Variants in KMT2C observed in about 807,000 individuals in gnomAD.
The protein encoded by KMT2C is lysine methyltransferase 2C.
KMT2C carries 88 observed loss-of-function variants against 507.9 expected under a neutral mutation model. That is an observed-to-expected ratio of 0.17 (90% CI 0.15 to 0.21). The LOEUF is 0.21. Ranked by LOEUF, KMT2C falls within the 10% of genes least tolerant of loss-of-function variation. The probability of loss-of-function intolerance (pLI) is 1.00; values close to 1 mark genes in which losing one functional copy is unlikely to be tolerated. For synonymous variants in KMT2C, 2,049 were observed against 2,080.8 expected (o/e 0.98, Z 0.42); for missense variants, 4,954 against 5,957.8 (o/e 0.83, Z 5.55).
chr7:152,181,047 T>C lies in KMT2C; in HGVS notation c.6813A>G (p.Thr2271=), dbSNP rs139996878. ...CAGGGGGCCTAGGTGTCTGGGAACA[T>C]GTATCAGGTGGCCTTACCAACGGGC... is the stretch of plus-strand genomic sequence containing the variant. ...LPGPLVRPPD[T]CSQTPRPPGP... is the part of the protein sequence containing the mutation. The change falls in exon 36 of 59, where the codon ACA becomes ACG. Residue 2271 remains threonine (T), a synonymous_variant. Transcript: ENST00000262189. 1.2e-5 allele frequency: 19 copies of C among 1,614,120 alleles called. No individual in the cohort carries two copies. Among genetic ancestry groups the C allele is most frequent in the Non-Finnish European group, 1.5e-5 (18 of 1,180,028 alleles).
chr7:152,205,248 A>T, intron 24 of KMT2C, 23 bp from the exon 25 acceptor site: 2 of 1,605,910 alleles, frequency 1.2e-6, no homozygotes, highest in Non-Finnish European at 1.7e-6. Context: ...GAAATTAGGT[A>T]AACTGATAAG....
rs372070871 is a variant in KMT2C at position 152,179,892 on chromosome 7, G to C, written c.7384C>G (p.Gln2462Glu). 64 of 1,614,096 alleles carry C rather than the reference G, an allele frequency of 4.0e-5. No homozygotes were observed. The highest frequency in any genetic ancestry group is 1.6e-4 in the Middle Eastern group (1 of 6,062). ...ACATCAGGAGGATAGGGTCCACGCT[G>C]ATCTTTTGGGAAAACAGCATATCTA... is the stretch of plus-strand genomic sequence containing the variant. ...GPRYAVFPKD[Q>E]RGPYPPDVAS... The change falls in exon 37 of 59, where the codon CAG (glutamine) becomes GAG (glutamate). Residue 2462 changes from glutamine to glutamate, a missense_variant. This residue lies in a region of KMT2C where 1,689 missense variants were observed against 1,654.3 expected (regional missense o/e 1.02). Coordinates refer to ENST00000262189, the MANE Select transcript of KMT2C (RefSeq NM_170606.3).
intron 2 of KMT2C, among the ~76,000 whole-genome samples, chr7:152,349,173 C>T (rs899813571): frequency 2.6e-5 from 4 of 152,112 alleles, no homozygotes; most frequent in Admixed American, 6.5e-5. Context: ...GGGCTGGGCG[C>T]GGTGACTCAC....
chr7:152,192,974 G>A (rs573266601), intron 31 of KMT2C, among the ~76,000 whole-genome samples: 3 of 152,114 alleles, frequency 2.0e-5, no homozygotes, highest in Non-Finnish European at 4.4e-5. Flanking sequence ...AGGAGTTCTA[G>A]ACTGGCCTGG....
At chr7:152,258,363 C>T (rs1478749640) in intron 9 of KMT2C, among the ~76,000 whole-genome samples, 3 of 152,160 alleles carry the variant, frequency 2.0e-5, no homozygotes, top group Non-Finnish European at 2.9e-5. Flanking sequence ...GTAAGTTTAA[C>T]ATGTGAAAGA....
intron 2 of KMT2C, among the ~76,000 whole-genome samples, chr7:152,351,124 T>A (rs543103407): frequency 1.3e-5 from 2 of 152,234 alleles, no homozygotes; most frequent in African/African-American, 4.8e-5. Flanking sequence ...TCTTCTGATA[T>A]AGCTCCTGAA....
rs193213584 is a variant in KMT2C, at chr7:152,335,175, T to G, written c.251-4436A>C. Among the ~76,000 whole-genome samples, 244 of 152,306 alleles carry G rather than the reference T, an allele frequency of 1.6e-3. 4 individuals carry two copies. Among genetic ancestry groups the G allele is most frequent in the Non-Finnish European group, 4.0e-4 (27 of 68,016 alleles). On this transcript the variant is annotated intron_variant, in intron 2 of 58. Coordinates refer to ENST00000262189, the MANE Select transcript of KMT2C (RefSeq NM_170606.3). ...CCCAAAGGGTATTCTGTGTTGCCTC[T>G]CTCTAGTATTTTTACAGCCAAAGAT...
At chr7:152,249,673 CAAAAAAAAAAAAAAA>C (rs1183345172) in intron 13 of KMT2C, among the ~76,000 whole-genome samples, 188 bp downstream of exon 13, 5 of 34,496 alleles carry the variant, frequency 1.4e-4, no homozygotes, top group East Asian at 2.3e-3. Context: ...CTCCCCCCTC[CAAAAAAAAAAAAAAA>C]AAAAAAAAAA....
At chr7:152,297,071 G>A (rs867202668) in intron 6 of KMT2C, among the ~76,000 whole-genome samples, 2,459 of 110,246 alleles carry the variant, frequency 0.022, 163 homozygotes, top group African/African-American at 0.1. Flanking sequence ...GAGAGAGAGA[G>A]AGAGAGAGAG....
chr7:152,387,126 C>T (rs934161419), intron 1 of KMT2C, among the ~76,000 whole-genome samples: 1 of 151,968 alleles, frequency 6.6e-6, no homozygotes, highest in African/African-American at 2.4e-5. Context: ...TTTTTAAATA[C>T]CATGTACATT....
Position 152,202,974 on chromosome 7 carries a change from C to A in KMT2C, c.4052G>T (p.Arg1351Met), listed in dbSNP as rs775362712. Residue 1351 changes from arginine to methionine, a missense_variant, in exon 26 of 59, where the codon AGG (arginine) becomes ATG (methionine). By Grantham distance (91) the Arg-to-Met change is moderately conservative. Transcript: ENST00000262189. ...TEKIKKRYRK[R>M]KNKLEETFPA... ...GAAAGTTTCTTCAAGCTTATTTTTC[C>A]TTTTTCGGTATCTCTTCTTTATTTT... The A allele has an allele frequency of 6.2e-7, 1 of 1,607,584 alleles. No homozygotes were observed. Among genetic ancestry groups the A allele is most frequent in the Non-Finnish European group, 8.5e-7 (1 of 1,176,086 alleles).
At chr7:152,423,944 T>C (rs2116749231) in intron 1 of KMT2C, among the ~76,000 whole-genome samples, 1 of 152,356 alleles carries the variant, frequency 6.6e-6, no homozygotes, top group Middle Eastern at 3.4e-3. Flanking sequence ...TAGCCCAATC[T>C]ACACTGTGAC....
intron 3 of KMT2C, among the ~76,000 whole-genome samples, chr7:152,327,145 A>AT (rs1209562985): frequency 1.3e-5 from 2 of 152,176 alleles, no homozygotes; most frequent in Non-Finnish European, 2.9e-5. Flanking sequence ...CCTCAAGGTT[A>AT]TTTTTCCATG....
intron 3 of KMT2C, among the ~76,000 whole-genome samples, chr7:152,329,099 T>G (rs1260636071): frequency 1.3e-5 from 2 of 152,062 alleles, no homozygotes; most frequent in East Asian, 1.9e-4. Flanking sequence ...GCCATTAGAA[T>G]GAATGAGCTT....
rs2129089280 is a variant in KMT2C, at chr7:152,138,894, G to A, written c.14545C>T (p.His4849Tyr). The A allele has an allele frequency of 6.2e-7, 1 of 1,612,930 alleles. No individual in the cohort carries two copies. The highest frequency in any genetic ancestry group is 8.5e-7 in the Non-Finnish European group (1 of 1,178,968). ...LTGGPARYIN[H>Y]SCAPNCVAEV... Reference sequence around the variant, plus strand: ...GCCACACAATTAGGTGCACACGAATGGTTGATATACCTGCAAGCCACCATG... The same window carrying A: ...GCCACACAATTAGGTGCACACGAATAGTTGATATACCTGCAAGCCACCATG... The change falls in exon 58 of 59, where the codon CAT becomes TAT. Residue 4849 changes from histidine to tyrosine, a missense_variant. By Grantham distance (83) the His-to-Tyr change is moderately conservative. Coordinates refer to ENST00000262189, the MANE Select transcript of KMT2C (RefSeq NM_170606.3). This position sits in a 1 kb window ranked among gnomAD's most constrained non-coding sequence, Gnocchi z 4.2.
chr7:152,323,796 G>A (rs1302434035), intron 3 of KMT2C, among the ~76,000 whole-genome samples: 1 of 140,324 alleles, frequency 7.1e-6, no homozygotes, highest in Non-Finnish European at 1.6e-5. Context: ...GGAAGGGAAG[G>A]GAGGCAGGGA....
Position 152,252,022 on chromosome 7 carries a change from A to G in KMT2C, c.1538T>C (p.Ile513Thr), listed in dbSNP as rs1029400764. Residue 513 changes from isoleucine to threonine, a missense_variant, in exon 11 of 59, where the codon ATC (isoleucine) becomes ACC (threonine). This residue lies in a region of KMT2C where 376 missense variants were observed against 352.4 expected (regional missense o/e 1.07). Transcript: ENST00000262189. The part of the protein sequence containing the change: ...ELDTQLKEEY[I>T]CMYCKHLGAE... ...TCCCAGGTGTTTACAATACATGCAG[A>G]TATACTCTTCTTTGAGCTGAGTATC... 4 of 1,612,930 alleles carry G rather than the reference A, an allele frequency of 2.5e-6. No homozygotes were observed. Among genetic ancestry groups the G allele is most frequent in the Non-Finnish European group, 2.5e-6 (3 of 1,179,310 alleles).
Position 152,154,061 on chromosome 7 carries a change from G to A in KMT2C, c.12225C>T (p.Pro4075=). ...TTGCTACAGATATAAGACCTGATCT[G>A]GGACCATTTGGGGAAGGACCAAAAG... ...ASPFGPSPNG[P]RSGLISVAIT... is the part of the protein sequence containing the mutation. Residue 4075 remains proline (P), a synonymous_variant, in exon 48 of 59, where the codon CCC becomes CCT. Coordinates refer to ENST00000262189, the MANE Select transcript of KMT2C (RefSeq NM_170606.3). 1 of 1,614,048 alleles carries A rather than the reference G, an allele frequency of 6.2e-7. No individual in the cohort carries two copies. Among genetic ancestry groups the A allele is most frequent in the Non-Finnish European group, 8.5e-7 (1 of 1,179,942 alleles).
chr7:152,204,227 G>A (rs185215024), intron 25 of KMT2C, among the ~76,000 whole-genome samples: 2 of 152,260 alleles, frequency 1.3e-5, no homozygotes, highest in Middle Eastern at 3.4e-3. Flanking sequence ...GGACTCGGGA[G>A]GTGAAGGTTG....
Sources: gnomAD v4.1 joint callset for allele counts (sites outside exome capture counted in the v4.1 genomes callset) on GRCh38, gnomAD v4.1.1 for gene constraint, gnomAD v4.1.1 regional missense constraint, Gnocchi (gnomAD v3.1) non-coding constraint, MANE v1.5 for transcripts, NCBI Gene and HGNC (gene_info 2026-07-23, HGNC 2026-07-21) for gene names.